Variants in QTMAN observed in about 807,000 individuals in gnomAD.
The protein encoded by QTMAN is tRNA-queuosine alpha-mannosyltransferase.
the QTMAN span, among the ~76,000 whole-genome samples, chr2:144,120,779 C>T: frequency 1.3e-5 from 2 of 152,182 alleles, no homozygotes; most frequent in African/African-American, 4.8e-5. Context: ...TAAATCATAC[C>T]ATTTCAAGAG....
the QTMAN span, among the ~76,000 whole-genome samples, chr2:144,166,419 T>A: frequency 6.6e-6 from 1 of 152,232 alleles, no homozygotes; most frequent in East Asian, 1.9e-4. Flanking sequence ...ACATAAACAC[T>A]TATTGTCCAT....
the QTMAN span, among the ~76,000 whole-genome samples, chr2:144,287,140 T>C: frequency 6.6e-6 from 1 of 152,114 alleles, no homozygotes; most frequent in Admixed American, 6.5e-5. Context: ...CAGAGATTAA[T>C]GATAAAATGG....
the QTMAN span, among the ~76,000 whole-genome samples, chr2:144,308,925 G>A: frequency 6.6e-6 from 1 of 152,142 alleles, no homozygotes; most frequent in Non-Finnish European, 1.5e-5. Context: ...GTAACTGAAT[G>A]ACAAGAAACA....
the QTMAN span, among the ~76,000 whole-genome samples, chr2:144,153,463 A>C: frequency 6.6e-6 from 1 of 152,304 alleles, no homozygotes; most frequent in East Asian, 1.9e-4. Flanking sequence ...TAATCCCAGC[A>C]CTCTGGGAGG....
the QTMAN span, among the ~76,000 whole-genome samples, chr2:143,994,610 C>A: frequency 3.3e-5 from 5 of 152,138 alleles, no homozygotes; most frequent in Non-Finnish European, 7.4e-5. Flanking sequence ...TCCTCAAAAA[C>A]ACTATTCTAA....
At chr2:144,203,593 G>A in the QTMAN span, among the ~76,000 whole-genome samples, 47 of 152,248 alleles carry the variant, frequency 3.1e-4, no homozygotes, top group African/African-American at 1.1e-3. Context: ...AAATTCAAAT[G>A]AACTGTGACT....
the QTMAN span, chr2:144,007,583 T>A: frequency 2.1e-5 from 27 of 1,309,972 alleles, no homozygotes; most frequent in Non-Finnish European, 2.8e-5. Flanking sequence ...AAAAAATATG[T>A]AAAATTTGTC....
At chr2:144,156,980 A>C in the QTMAN span, among the ~76,000 whole-genome samples, 1 of 152,084 alleles carries the variant, frequency 6.6e-6, no homozygotes, top group African/African-American at 2.4e-5. Flanking sequence ...AAGAGGCAAA[A>C]ATAGAACCAG....
chr2:143,996,962 T>A, the QTMAN span, among the ~76,000 whole-genome samples: 1 of 152,096 alleles, frequency 6.6e-6, no homozygotes, highest in African/African-American at 2.4e-5. Flanking sequence ...ATTTTAATGA[T>A]TTAGTTTTTC....
the QTMAN span, among the ~76,000 whole-genome samples, chr2:143,988,071 C>T: frequency 2.0e-5 from 3 of 152,162 alleles, no homozygotes; most frequent in Admixed American, 6.5e-5. Flanking sequence ...GCTTTGCAGG[C>T]ACTCCTGTGG....
chr2:144,210,038 T>C, the QTMAN span, among the ~76,000 whole-genome samples: 1 of 135,740 alleles, frequency 7.4e-6, no homozygotes, highest in Non-Finnish European at 1.6e-5. Context: ...TGGGGGAATA[T>C]AAATCTATAT....
the QTMAN span, among the ~76,000 whole-genome samples, chr2:144,224,614 C>T: frequency 6.6e-6 from 1 of 152,052 alleles, no homozygotes; most frequent in Non-Finnish European, 1.5e-5. Flanking sequence ...AAACACCTTG[C>T]TGATAATGAG....
chr2:144,322,523 A>T, the QTMAN span, among the ~76,000 whole-genome samples: 1 of 152,216 alleles, frequency 6.6e-6, no homozygotes, highest in African/African-American at 2.4e-5. Context: ...GCCTAGCTTA[A>T]TAGAAAACAG....
the QTMAN span, among the ~76,000 whole-genome samples, chr2:143,951,723 A>C: frequency 1.3e-5 from 2 of 151,484 alleles, no homozygotes; most frequent in Non-Finnish European, 3.0e-5. Flanking sequence ...TCTAGGGGCT[A>C]AATGTAAAGG....
chr2:144,064,920 A>C, the QTMAN span, among the ~76,000 whole-genome samples: 1 of 152,178 alleles, frequency 6.6e-6, no homozygotes, highest in African/African-American at 2.4e-5. Context: ...AGCCCAGAAT[A>C]GATCAAATGT....
chr2:143,959,592 T>C, the QTMAN span, among the ~76,000 whole-genome samples: 1 of 152,130 alleles, frequency 6.6e-6, no homozygotes, highest in South Asian at 2.1e-4. Flanking sequence ...GTATGTCAAA[T>C]ACATTAATCT....
the QTMAN span, among the ~76,000 whole-genome samples, chr2:144,326,207 G>A: frequency 6.6e-6 from 1 of 152,156 alleles, no homozygotes; most frequent in Non-Finnish European, 1.5e-5. Context: ...AGGCAACATA[G>A]TGAAAATTAT....
chr2:144,201,839 T>G, the QTMAN span, among the ~76,000 whole-genome samples: 1 of 152,150 alleles, frequency 6.6e-6, no homozygotes, highest in Non-Finnish European at 1.5e-5. Context: ...GAATTTCTCC[T>G]AAAGAAGGGG....
At chr2:144,290,064 G>A in the QTMAN span, among the ~76,000 whole-genome samples, 1 of 151,842 alleles carries the variant, frequency 6.6e-6, no homozygotes, top group Non-Finnish European at 1.5e-5. Context: ...ACGCCAAGCT[G>A]TAACCAATCC....
Sources: allele counts gnomAD v4.1 joint callset (sites outside exome capture counted in the v4.1 genomes callset), GRCh38; gene constraint gnomAD v4.1.1; transcripts MANE v1.5; gene names NCBI Gene and HGNC (gene_info 2026-07-23, HGNC 2026-07-21).